Variants in FOXK1 observed in about 807,000 individuals in gnomAD.
FOXK1 encodes the protein forkhead box K1, also known as forkhead box protein K1.
Under a neutral mutation model 51.9 loss-of-function variants are expected in FOXK1, and 19 were observed. That is an observed-to-expected ratio of 0.37 (90% CI 0.26 to 0.54). FOXK1 has a LOEUF of 0.54. Ranked by LOEUF, FOXK1 falls within the 20% of genes least tolerant of loss-of-function variation. The pLI is 0.87. For synonymous variants in FOXK1, 537 were observed against 482.6 expected (o/e 1.11, Z -1.48); for missense variants, 870 against 1,032.7 (o/e 0.84, Z 2.16).
chr7:4,711,289 C>T lies in FOXK1; in HGVS notation c.560+28421C>T, dbSNP rs867038409. Among the ~76,000 whole-genome samples, 14 of 152,078 alleles carry T rather than the reference C, an allele frequency of 9.2e-5. No homozygotes were observed. The highest frequency in any genetic ancestry group is 3.9e-4 in the East Asian group (2 of 5,180). ...TGGGAAGGCTGAGTGTCCTGGGAAG[C>T]GTCCATGGGATGTATCAGTCAGGGA... On this transcript the variant is annotated intron_variant, in intron 1 of 8. Transcript: ENST00000328914. The surrounding 1 kb of genome is among the most constrained non-coding windows in gnomAD (Gnocchi z 6.3).
Position 4,762,584 on chromosome 7 carries a change from CGGCGGCACCT to C in FOXK1, c.*123_*132del. 1 of 980,108 alleles carries C rather than the reference CGGCGGCACCT, an allele frequency of 1.0e-6. No individual in the cohort carries two copies. Among genetic ancestry groups the C allele is most frequent in the Non-Finnish European group, 1.5e-6 (1 of 680,794 alleles). 60.7% of individuals were successfully genotyped at this position (980,108 alleles called of 1,614,324 possible). A position where few individuals can be genotyped will look rare whatever the true frequency, so the allele number is the denominator to read the frequency against. On this transcript the variant is annotated 3_prime_UTR_variant, in exon 9 of 9. Coordinates refer to ENST00000328914, the MANE Select transcript of FOXK1 (RefSeq NM_001037165.2). This position sits in a 1 kb window ranked among gnomAD's most constrained non-coding sequence, Gnocchi z 5.7. ...ACAGCCCGCGGCGGCCTGTGGGCAT[CGGCGGCACCT>C]GGACACACCCAGCCCTTTCCATTTG...
In FOXK1 at chr7:4,767,783, T is replaced by TA. The variant is rs1781035797; in HGVS notation, c.*5319_*5320insA. On this transcript the variant is annotated 3_prime_UTR_variant, in exon 9 of 9. Transcript: ENST00000328914. The surrounding 1 kb of genome is among the most constrained non-coding windows in gnomAD (Gnocchi z 6.6). ...ATACTTACTGTTTTTTTGGTTGGGT[T>TA]TTGATACGAAAAGCTGCTACGTTTG... 6.6e-6 allele frequency: 1 copy of TA among 152,206 alleles called. No homozygotes were observed. Among genetic ancestry groups the TA allele is most frequent in the Non-Finnish European group, 1.5e-5 (1 of 68,044 alleles). 9.4% of individuals were successfully genotyped at this position (152,206 alleles called of 1,614,324 possible). A position where few individuals can be genotyped will look rare whatever the true frequency, so the allele number is the denominator to read the frequency against.
chr7:4,682,435 C>G lies in FOXK1; in HGVS notation c.127C>G (p.Pro43Ala), dbSNP rs760812037. ...CCCCGCGGCCGCACCCCCGCCGGCC[C>G]CCGCGCAGCCCCAGCCTCCGCCCGG... is the stretch of plus-strand genomic sequence containing the variant. ...AFPAAAPPPA[P>A]AQPQPPPGPP... Residue 43 changes from proline to alanine, a missense_variant, in exon 1 of 9, where the codon CCC becomes GCC. Physicochemically the swap from Pro to Ala is conservative, Grantham distance 27. Transcript: ENST00000328914. This position sits in a 1 kb window ranked among gnomAD's most constrained non-coding sequence, Gnocchi z 7.6. 1 of 981,060 alleles carries G rather than the reference C, an allele frequency of 1.0e-6. No homozygotes were observed. Among genetic ancestry groups the G allele is most frequent in the African/African-American group, 1.8e-5 (1 of 56,568 alleles). 60.8% of individuals were successfully genotyped at this position (981,060 alleles called of 1,614,324 possible). A position where few individuals can be genotyped will look rare whatever the true frequency, so the allele number is the denominator to read the frequency against.
chr7:4,752,100 G>C (rs1382151384), intron 2 of FOXK1, among the ~76,000 whole-genome samples: 2 of 152,212 alleles, frequency 1.3e-5, no homozygotes, highest in Admixed American at 1.3e-4. Flanking sequence ...CTGCAGGTGT[G>C]CATTACCACG....
intron 1 of FOXK1, among the ~76,000 whole-genome samples, chr7:4,721,066 G>A (rs956551284): frequency 6.6e-6 from 1 of 152,030 alleles, no homozygotes; most frequent in Non-Finnish European, 1.5e-5. Flanking sequence ...TTCTCTGCAC[G>A]GGCCCTCCGT....
intron 1 of FOXK1, among the ~76,000 whole-genome samples, chr7:4,716,230 CAAAA>C (rs773976151): frequency 8.6e-6 from 1 of 115,724 alleles, no homozygotes; most frequent in Admixed American, 9.1e-5. Flanking sequence ...ACCCTATCTA[CAAAA>C]AAAAAAAAAA....
At chr7:4,742,663 C>G (rs1414729523) in intron 2 of FOXK1, among the ~76,000 whole-genome samples, 1 of 152,180 alleles carries the variant, frequency 6.6e-6, no homozygotes, top group Non-Finnish European at 1.5e-5. Context: ...GAGATCCTCC[C>G]TCCTCCACCT....
intron 1 of FOXK1, among the ~76,000 whole-genome samples, chr7:4,717,305 A>G (rs116471146): frequency 0.082 from 6,414 of 78,236 alleles, 199 homozygotes; most frequent in Middle Eastern, 0.2. Context: ...GTGTGGATGG[A>G]AGGTGGTGGC....
At chr7:4,684,875 C>A (rs561775223) in intron 1 of FOXK1, among the ~76,000 whole-genome samples, 2 of 151,732 alleles carry the variant, frequency 1.3e-5, no homozygotes, top group Non-Finnish European at 2.9e-5. Flanking sequence ...AACCTCAGAT[C>A]GTCTACGAAT....
intron 1 of FOXK1, among the ~76,000 whole-genome samples, chr7:4,684,286 C>T (rs945121527): frequency 6.6e-6 from 1 of 152,178 alleles, no homozygotes; most frequent in African/African-American, 2.4e-5. Context: ...TAATTACTCC[C>T]TTTTATAAAC....
At position 4,765,899 on chromosome 7, in the gene FOXK1, C is replaced by T. The variant is rs552461571; in HGVS notation, c.*3435C>T. 6.6e-6 allele frequency: 1 copy of T among 152,186 alleles called. No homozygotes were observed. Among genetic ancestry groups the T allele is most frequent in the Admixed American group, 6.5e-5 (1 of 15,276 alleles). 9.4% of individuals were successfully genotyped at this position (152,186 alleles called of 1,614,324 possible). A position where few individuals can be genotyped will look rare whatever the true frequency, so the allele number is the denominator to read the frequency against. ...AAGTGGGGAAGCAGGGCCTGAGCGTCCCCAGGCTGCTAGGGCAGCAGCTGG... is the reference window on the plus strand; with the variant it reads ...AAGTGGGGAAGCAGGGCCTGAGCGTTCCCAGGCTGCTAGGGCAGCAGCTGG... On this transcript the variant is annotated 3_prime_UTR_variant, in exon 9 of 9. Coordinates refer to ENST00000328914, the MANE Select transcript of FOXK1 (RefSeq NM_001037165.2).
At chr7:4,698,761 C>G (rs567691262) in intron 1 of FOXK1, among the ~76,000 whole-genome samples, 1 of 152,218 alleles carries the variant, frequency 6.6e-6, no homozygotes, top group African/African-American at 2.4e-5. Context: ...ACCATGTTAC[C>G]CAGGCTGGTC....
intron 5 of FOXK1, among the ~76,000 whole-genome samples, chr7:4,757,656 A>T (rs1004845389): frequency 6.8e-6 from 1 of 147,042 alleles, no homozygotes; most frequent in Non-Finnish European, 1.5e-5. Context: ...AAAAAAAAAA[A>T]AAAAAAAAGT....
chr7:4,720,070 C>G (rs770793050), intron 1 of FOXK1, among the ~76,000 whole-genome samples: 6 of 152,130 alleles, frequency 3.9e-5, no homozygotes, highest in African/African-American at 1.2e-4. Context: ...GCTAAGAACT[C>G]TTCACCAAGC....
At chr7:4,713,515 C>T (rs1392110170) in intron 1 of FOXK1, among the ~76,000 whole-genome samples, 3 of 149,476 alleles carry the variant, frequency 2.0e-5, no homozygotes, top group Non-Finnish European at 3.0e-5. Context: ...TTTTTTGAGG[C>T]GGAGTCTTGC....
rs928727585 is a variant in FOXK1, at chr7:4,766,238, T to C, written c.*3774T>C. On this transcript the variant is annotated 3_prime_UTR_variant, in exon 9 of 9. Coordinates refer to ENST00000328914, the MANE Select transcript of FOXK1 (RefSeq NM_001037165.2). This position sits in a 1 kb window ranked among gnomAD's most constrained non-coding sequence, Gnocchi z 5.5. ...ACCAGTCGGGCCGAGTGTGGCCTCA[T>C]GGTTCTGCCGCGGCCCAGTCTTCTC... The C allele has an allele frequency of 1.7e-4, 26 of 152,230 alleles. No individual in the cohort carries two copies. Among genetic ancestry groups the C allele is most frequent in the African/African-American group, 6.3e-4 (26 of 41,446 alleles). The allele number at this position is 152,230 out of a possible 1,614,324, so 9.4% of individuals were successfully genotyped here. A position where few individuals can be genotyped will look rare whatever the true frequency, so the allele number is the denominator to read the frequency against.
At chr7:4,717,734 C>T (rs926753003) in intron 1 of FOXK1, among the ~76,000 whole-genome samples, 6 of 152,134 alleles carry the variant, frequency 3.9e-5, no homozygotes, top group Non-Finnish European at 4.4e-5. Context: ...TTCATCTGCA[C>T]GAGGAGGCGC....
At chr7:4,697,337 C>T (rs1583183133) in intron 1 of FOXK1, among the ~76,000 whole-genome samples, 3 of 152,348 alleles carry the variant, frequency 2.0e-5, no homozygotes, top group East Asian at 3.9e-4. Context: ...GAACAGCTAG[C>T]CGGTATTCAC....
rs1016247762 is a variant in FOXK1 at position 4,705,779 on chromosome 7, C to CG, written c.560+22911_560+22912insG. Among the ~76,000 whole-genome samples, 5 of 146,072 alleles carry CG rather than the reference C, an allele frequency of 3.4e-5. No individual in the cohort carries two copies. In the South Asian group the frequency reaches 8.4e-4, roughly 25 times the overall value. ...GTCTCGATCTCCCAACCTCGTGACC[C>CG]CCCCCCGCCTCAGCCTCTCAAAGTG... is the stretch of plus-strand genomic sequence containing the variant. On this transcript the variant is annotated intron_variant, in intron 1 of 8. Coordinates refer to ENST00000328914, the MANE Select transcript of FOXK1 (RefSeq NM_001037165.2).
Sources: allele counts gnomAD v4.1 joint callset (sites outside exome capture counted in the v4.1 genomes callset), GRCh38; gene constraint gnomAD v4.1.1; non-coding constraint Gnocchi (gnomAD v3.1); transcripts MANE v1.5; gene names NCBI Gene and HGNC (gene_info 2026-07-23, HGNC 2026-07-21).